NAALADL2: variants seen among roughly 807,000 people sequenced by gnomAD.
NAALADL2 encodes the protein N-acetylated alpha-linked acidic dipeptidase like 2.
Under a neutral mutation model 87.2 loss-of-function variants are expected in NAALADL2, and 76 were observed. That is an observed-to-expected ratio of 0.87 (90% confidence interval 0.72 to 1.05). The LOEUF (loss-of-function observed/expected upper bound fraction) is 1.05. Among genes scored for constraint, NAALADL2 ranks in the 50% least tolerant of loss-of-function variants. The pLI is 0.00. For missense variants in NAALADL2, 1,089 were observed against 945.8 expected, an observed-to-expected ratio of 1.15 and a Z score of -1.99; for synonymous variants, 354 against 331.0, an observed-to-expected ratio of 1.07 and a Z score of -0.75.
chr3:174,654,060 T>TTGTGTGTGTG (rs137877260), intron 2 of NAALADL2, among the ~76,000 whole-genome samples: 91 of 144,064 alleles, frequency 6.3e-4, no homozygotes, highest in African/African-American at 2.0e-3. Context: ...TAAGATGGCT[T>TTGTGTGTGTG]TGTGTGTGTG....
At chr3:174,819,609 T>A (rs1173163902) in intron 3 of NAALADL2, among the ~76,000 whole-genome samples, 1 of 152,138 alleles carries the variant, frequency 6.6e-6, no homozygotes, top group Non-Finnish European at 1.5e-5. Context: ...AGTTCATAGC[T>A]TTTTGATGCA....
intron 1 of NAALADL2, 47 bp downstream of exon 1, chr3:174,859,497 CTT>C (rs1165177338): frequency 6.7e-7 from 1 of 1,490,944 alleles, no homozygotes; most frequent in Non-Finnish European, 9.3e-7. Context: ...CAATCAGAAA[CTT>C]AAGCAGTGTT....
intron 2 of NAALADL2, among the ~76,000 whole-genome samples, chr3:174,729,838 A>G (rs746311438): frequency 1.8e-4 from 27 of 152,090 alleles, no homozygotes; most frequent in Non-Finnish European, 4.0e-4. Flanking sequence ...ATTATTTTTT[A>G]ATGTGTGTGA....
At chr3:175,131,845 G>T (rs1308894603) in intron 2 of NAALADL2, among the ~76,000 whole-genome samples, 1 of 78,526 alleles carries the variant, frequency 1.3e-5, no homozygotes, top group Non-Finnish European at 2.4e-5. Context: ...CTCCCTCCCG[G>T]ACGGGGCGGC....
intron 1 of NAALADL2, among the ~76,000 whole-genome samples, chr3:174,924,351 G>A (rs1735670818): frequency 6.6e-6 from 1 of 151,672 alleles, no homozygotes; most frequent in African/African-American, 2.4e-5. Context: ...TGAGAATGAT[G>A]GTTTCCAGCT....
intron 2 of NAALADL2, among the ~76,000 whole-genome samples, chr3:175,182,551 T>G (rs1736724932): frequency 5.1e-5 from 2 of 38,978 alleles, no homozygotes; most frequent in South Asian, 1.7e-3. Context: ...CCACAGCCAG[T>G]TTTTTTTTTT....
chr3:175,219,468 A>C (rs1481527473), intron 2 of NAALADL2, among the ~76,000 whole-genome samples: 2 of 152,086 alleles, frequency 1.3e-5, no homozygotes, highest in East Asian at 3.8e-4. Flanking sequence ...AATATCTTGA[A>C]CTCTATTGAT....
chr3:175,218,339 C>A (rs891455930), intron 2 of NAALADL2, among the ~76,000 whole-genome samples: 2 of 152,138 alleles, frequency 1.3e-5, no homozygotes, highest in African/African-American at 4.8e-5. Flanking sequence ...TTCTAACTGG[C>A]ATGTCCATCA....
intron 9 of NAALADL2, among the ~76,000 whole-genome samples, chr3:175,532,156 A>C (rs1253730116): frequency 3.3e-5 from 5 of 152,114 alleles, no homozygotes; most frequent in African/African-American, 4.8e-5. Context: ...TGTAAGTCAC[A>C]CCTGAGCTAA....
chr3:175,016,398 T>G (rs1325078666), intron 1 of NAALADL2, among the ~76,000 whole-genome samples: 1 of 151,192 alleles, frequency 6.6e-6, no homozygotes, highest in African/African-American at 2.4e-5. Context: ...TTAGGATATA[T>G]TGCTCATTGA....
intron 2 of NAALADL2, among the ~76,000 whole-genome samples, chr3:175,103,494 A>G (rs186390795): frequency 8.5e-4 from 130 of 152,274 alleles, no homozygotes; most frequent in African/African-American, 3.1e-3. Context: ...TTTACTGCAT[A>G]TATACTGCCA....
chr3:175,167,060 A>G (rs189574306), intron 2 of NAALADL2, among the ~76,000 whole-genome samples: 2 of 152,132 alleles, frequency 1.3e-5, no homozygotes, highest in East Asian at 3.9e-4. Context: ...TGATCTTCCC[A>G]TAGGATCTTC....
At chr3:175,731,818 G>T (rs1743791286) in intron 11 of NAALADL2, among the ~76,000 whole-genome samples, 1 of 152,138 alleles carries the variant, frequency 6.6e-6, no homozygotes, top group South Asian at 2.1e-4. Flanking sequence ...AGCACTCAGA[G>T]AAGTCGCCTT....
intron 3 of NAALADL2, among the ~76,000 whole-genome samples, chr3:174,852,631 A>G (rs1725379242): frequency 6.6e-6 from 1 of 152,292 alleles, no homozygotes; most frequent in South Asian, 2.1e-4. Flanking sequence ...TAAAATGTCT[A>G]TACTACCCAA....
At chr3:174,812,947 T>G (rs2109302042) in intron 3 of NAALADL2, among the ~76,000 whole-genome samples, 1 of 152,272 alleles carries the variant, frequency 6.6e-6, no homozygotes, top group African/African-American at 2.4e-5. Context: ...AAAAAGTTTA[T>G]AAACTAAAAA....
intron 2 of NAALADL2, among the ~76,000 whole-genome samples, chr3:175,165,454 T>G (rs1733848141): frequency 1.3e-5 from 2 of 152,144 alleles, no homozygotes; most frequent in Admixed American, 1.3e-4. Flanking sequence ...AAAATTCATA[T>G]TCTAAAATTT....
chr3:174,773,185 G>A (rs1277949284), intron 3 of NAALADL2, among the ~76,000 whole-genome samples: 1 of 152,120 alleles, frequency 6.6e-6, no homozygotes, highest in Admixed American at 6.6e-5. Flanking sequence ...AGTAATAGAG[G>A]TCCTTGGAGA....
At chr3:175,175,559 T>G (rs1275724324) in intron 2 of NAALADL2, among the ~76,000 whole-genome samples, 4 of 152,092 alleles carry the variant, frequency 2.6e-5, no homozygotes, top group Non-Finnish European at 5.9e-5. Flanking sequence ...CACACTCTAT[T>G]GTGAATACCT....
rs145591532 is a variant in NAALADL2, at chr3:175,209,706, G to GATATATATAT, written c.546-24219_546-24210dup. Among the ~76,000 whole-genome samples the GATATATATAT allele has an allele frequency of 4.4e-4, 66 of 149,542 alleles. 1 individual carries two copies. The highest frequency in any genetic ancestry group is 1.4e-3 in the African/African-American group (59 of 40,956). On this transcript the variant is annotated intron_variant, in intron 2 of 13. Coordinates refer to ENST00000454872, the MANE Select transcript of NAALADL2 (RefSeq NM_207015.3). ...ACTGACACATGTAGTAGTTATTTTG[G>GATATATATAT]ATATATATATATATACTTGGTGTAT...
Sources: allele counts gnomAD v4.1 joint callset (sites outside exome capture counted in the v4.1 genomes callset), GRCh38; gene constraint gnomAD v4.1.1; transcripts MANE v1.5; gene names NCBI Gene and HGNC (gene_info 2026-07-23, HGNC 2026-07-21).